The following CUL1 variants were observed in gnomAD, a reference collection of about 807,000 sequenced individuals.
CUL1 encodes cullin 1, also known as cullin-1.
Under a neutral mutation model 118.0 loss-of-function variants are expected in CUL1, and 24 were observed. That is an observed-to-expected ratio of 0.20 (90% CI 0.15 to 0.29). CUL1 has a LOEUF of 0.29. CUL1 is among the 10% of genes least tolerant of loss of function. The pLI, the probability that CUL1 is intolerant of heterozygous loss-of-function variation, is 1.00. For synonymous variants in CUL1, 332 were observed against 340.4 expected (o/e 0.98, Z 0.27); for missense variants, 361 against 933.8 (o/e 0.39, Z 7.99).
rs1459869213 is a variant in CUL1 at position 148,725,209 on chromosome 7, A to ACG, written c.-161-4752_-161-4751insGC. Reference sequence around the variant, plus strand: ...CACATGCGCGCGTGTACACACACACACACGCGCGCGCTCACACACACACAC... The same window carrying ACG: ...CACATGCGCGCGTGTACACACACACACGCACGCGCGCGCTCACACACACACAC... On this transcript the variant is annotated intron_variant, in intron 1 of 21. Coordinates refer to ENST00000325222, the MANE Select transcript of CUL1 (RefSeq NM_003592.3). 3.6e-3 allele frequency among the ~76,000 whole-genome samples: 507 copies of ACG among 140,456 alleles called. 6 individuals are homozygous for ACG. Among genetic ancestry groups the ACG allele is most frequent in the East Asian group, 0.033 (167 of 5,016 alleles). The allele number at this position is 140,456 out of a possible 152,430, so 92.1% of individuals were successfully genotyped here.
chr7:148,721,637 G>C (rs1798399924), intron 1 of CUL1, among the ~76,000 whole-genome samples: 1 of 152,138 alleles, frequency 6.6e-6, no homozygotes, highest in Admixed American at 6.6e-5. Context: ...TCATGTCGGG[G>C]AGAGCTAACC....
At chr7:148,717,346 C>T (rs937211489) in intron 1 of CUL1, among the ~76,000 whole-genome samples, 18 of 152,132 alleles carry the variant, frequency 1.2e-4, no homozygotes, top group African/African-American at 3.6e-4. Flanking sequence ...CTACCATGCC[C>T]GGCCTTGTTT....
intron 2 of CUL1, among the ~76,000 whole-genome samples, chr7:148,743,324 C>G (rs1302910636): frequency 6.6e-6 from 1 of 152,176 alleles, no homozygotes; most frequent in East Asian, 1.9e-4. Context: ...TCTCCCATCT[C>G]CCTGTGTGAT....
intron 2 of CUL1, among the ~76,000 whole-genome samples, chr7:148,746,965 T>C (rs1799327316): frequency 6.6e-6 from 1 of 152,216 alleles, no homozygotes; most frequent in Non-Finnish European, 1.5e-5. Flanking sequence ...AAATAGCTTG[T>C]TACGAGTTTT....
intron 2 of CUL1, among the ~76,000 whole-genome samples, chr7:148,736,345 C>G (rs1798942007): frequency 2.6e-5 from 4 of 152,314 alleles, no homozygotes; most frequent in Admixed American, 2.0e-4. Context: ...TTCACCTAGG[C>G]TGGAGTGCAA....
chr7:148,775,132 C>T (rs1800355057), intron 9 of CUL1, among the ~76,000 whole-genome samples: 1 of 152,162 alleles, frequency 6.6e-6, no homozygotes, highest in Non-Finnish European at 1.5e-5. Flanking sequence ...GAATGTACTA[C>T]CAGCTACTTC....
Position 148,800,448 on chromosome 7 carries a change from A to G in CUL1, c.2251-54A>G, listed in dbSNP as rs1425211775. The G allele has an allele frequency of 7.0e-7, 1 of 1,427,558 alleles. No homozygotes were observed. Among genetic ancestry groups the G allele is most frequent in the African/African-American group, 1.4e-5 (1 of 71,166 alleles). 88.4% of individuals were successfully genotyped at this position (1,427,558 alleles called of 1,614,324 possible). A position where few individuals can be genotyped will look rare whatever the true frequency, so the allele number is the denominator to read the frequency against. On this transcript the variant is annotated intron_variant, in intron 21 of 21. Transcript: ENST00000325222. This position sits in a 1 kb window ranked among gnomAD's most constrained non-coding sequence, Gnocchi z 4.6. ...GCAGCCTCTCTCTGTTCTGATGATA[A>G]TTTGTGTTTTTCTTCTCTTTCACTA...
intron 9 of CUL1, among the ~76,000 whole-genome samples, chr7:148,768,402 T>TTTTTTTTA (rs1800080282): frequency 1.4e-5 from 1 of 68,996 alleles, no homozygotes; most frequent in African/African-American, 5.5e-5. Context: ...TTTTTTTTTT[T>TTTTTTTTA]GAGAAGGCGT....
intron 14 of CUL1, among the ~76,000 whole-genome samples, chr7:148,789,488 G>A (rs1005179486): frequency 6.6e-6 from 1 of 152,110 alleles, no homozygotes; most frequent in Non-Finnish European, 1.5e-5. Flanking sequence ...CAGGGCAGGC[G>A]TGTGACAGCA....
In CUL1 at chr7:148,787,244, C is replaced by A; in HGVS notation, c.1479+124C>A. 1 of 894,540 alleles carries A rather than the reference C, an allele frequency of 1.1e-6. No individual in the cohort carries two copies. Among genetic ancestry groups the A allele is most frequent in the South Asian group, 1.6e-5 (1 of 63,768 alleles). 55.4% of individuals were successfully genotyped at this position (894,540 alleles called of 1,614,324 possible). Reference sequence around the variant, plus strand: ...TTGGGAGGCCGAGGCGGGCAGATCACGAGGTCAGGAGATCGAGACCATCCT... The same window carrying A: ...TTGGGAGGCCGAGGCGGGCAGATCAAGAGGTCAGGAGATCGAGACCATCCT... On this transcript the variant is annotated intron_variant, in intron 13 of 21. Coordinates refer to ENST00000325222, the MANE Select transcript of CUL1 (RefSeq NM_003592.3). The surrounding 1 kb of genome is among the most constrained non-coding windows in gnomAD (Gnocchi z 5.5).
intron 17 of CUL1, among the ~76,000 whole-genome samples, chr7:148,793,970 T>G (rs1229892442): frequency 6.6e-6 from 1 of 152,218 alleles, no homozygotes; most frequent in African/African-American, 2.4e-5. Context: ...TATCTTGCAG[T>G]TTTTGACTTG....
In CUL1 at chr7:148,800,641, G is replaced by T. The variant is rs1403920669; in HGVS notation, c.*59G>T. ...GCAAATAGTTCATGTTGGAAAGAAT[G>T]AAAACAACTCAAGTTCATAGCAGCC... On this transcript the variant is annotated 3_prime_UTR_variant, in exon 22 of 22. Transcript: ENST00000325222. This position sits in a 1 kb window ranked among gnomAD's most constrained non-coding sequence, Gnocchi z 4.6. 1 of 1,396,150 alleles carries T rather than the reference G, an allele frequency of 7.2e-7. No individual in the cohort carries two copies. Among genetic ancestry groups the T allele is most frequent in the Non-Finnish European group, 1.0e-6 (1 of 992,530 alleles). 86.5% of individuals were successfully genotyped at this position (1,396,150 alleles called of 1,614,324 possible).
At position 148,800,838 on chromosome 7, in the gene CUL1, G is replaced by A; in HGVS notation, c.*256G>A. ...AGCGGGGACTGACCCTCCGTGCCGA[G>A]GGCTGCATGCTACCGCACTAAGTCA... is the stretch of plus-strand genomic sequence containing the variant. On this transcript the variant is annotated 3_prime_UTR_variant, in exon 22 of 22. Transcript: ENST00000325222. This position sits in a 1 kb window ranked among gnomAD's most constrained non-coding sequence, Gnocchi z 4.6. The A allele has an allele frequency of 2.6e-6, 1 of 391,120 alleles. No homozygotes were observed. Among genetic ancestry groups the A allele is most frequent in the Non-Finnish European group, 4.7e-6 (1 of 214,120 alleles). The allele number at this position is 391,120 out of a possible 1,614,324, so 24.2% of individuals were successfully genotyped here. A position where few individuals can be genotyped will look rare whatever the true frequency, so the allele number is the denominator to read the frequency against.
Position 148,767,691 on chromosome 7 carries a change from C to G in CUL1, c.1025C>G (p.Thr342Arg). Residue 342 changes from threonine (T) to arginine (R), a missense_variant, in exon 9 of 22, where the codon ACA becomes AGA. Around this residue, in one of 7 missense-constraint regions of CUL1, gnomAD observed 169 missense variants for 429.7 expected, o/e 0.39. Coordinates refer to ENST00000325222, the MANE Select transcript of CUL1 (RefSeq NM_003592.3). ...GGAGAATTGAAAAAACTGTTGGAGA[C>G]ACACATTCATAATCAGGGTCTTGCA... ...GLGELKKLLE[T>R]HIHNQGLAAI... is the part of the protein sequence containing the mutation. 1 of 1,613,846 alleles carries G rather than the reference C, an allele frequency of 6.2e-7. No homozygotes were observed. The highest frequency in any genetic ancestry group is 8.5e-7 in the Non-Finnish European group (1 of 1,179,824).
At chr7:148,760,185 A>G (rs1162797231) in intron 6 of CUL1, 148 bp from the exon 7 acceptor site, 12 of 531,834 alleles carry the variant, frequency 2.3e-5, no homozygotes, top group Admixed American at 3.9e-5. Context: ...AGTGTACTTT[A>G]ATACTAGTGA....
intron 4 of CUL1, among the ~76,000 whole-genome samples, chr7:148,757,481 C>A (rs148194212): frequency 1.7e-4 from 26 of 152,206 alleles, no homozygotes; most frequent in African/African-American, 5.8e-4. Context: ...TAGTCCCAGG[C>A]AAATCAGGTG....
intron 9 of CUL1, among the ~76,000 whole-genome samples, chr7:148,778,944 A>G (rs1800518071): frequency 6.6e-6 from 1 of 152,186 alleles, no homozygotes; most frequent in Non-Finnish European, 1.5e-5. Context: ...ATATTCTTGA[A>G]TGGTGCTGGG....
At chr7:148,721,380 C>T (rs1798391113) in intron 1 of CUL1, among the ~76,000 whole-genome samples, 1 of 152,094 alleles carries the variant, frequency 6.6e-6, no homozygotes. Context: ...TTTACTTATG[C>T]TATATAGGTT....
At position 148,786,552 on chromosome 7, in the gene CUL1, T is replaced by C; in HGVS notation, c.1300T>C (p.Ser434Pro). ...RYCDSLLKKS[S>P]KNPEEAELED... ...ATGGTATCTTTTTAAAATTTTCAGT[T>C]CCAAGAACCCAGAGGAGGCAGAACT... Residue 434 changes from serine (S) to proline (P), a missense_variant and splice_region_variant, in exon 12 of 22, where the codon TCC becomes CCC. This residue lies in a region of CUL1 where 169 missense variants were observed against 429.7 expected (regional missense o/e 0.39). Coordinates refer to ENST00000325222, the MANE Select transcript of CUL1 (RefSeq NM_003592.3). The C allele has an allele frequency of 6.2e-7, 1 of 1,613,388 alleles. No individual in the cohort carries two copies. The highest frequency in any genetic ancestry group is 8.5e-7 in the Non-Finnish European group (1 of 1,179,566).
Sources: gnomAD v4.1 joint callset for allele counts (sites outside exome capture counted in the v4.1 genomes callset) on GRCh38, gnomAD v4.1.1 for gene constraint, gnomAD v4.1.1 regional missense constraint, Gnocchi (gnomAD v3.1) non-coding constraint, MANE v1.5 for transcripts, NCBI Gene and HGNC (gene_info 2026-07-23, HGNC 2026-07-21) for gene names.